GPR63: variants seen among roughly 807,000 people sequenced by gnomAD.
The protein encoded by GPR63 is probable G protein-coupled receptor 63.
GPR63 carries 12 observed loss-of-function variants against 23.1 expected under a neutral mutation model. The ratio of observed to expected loss-of-function variants is 0.52; its 90% CI spans 0.33 to 0.84. The LOEUF is 0.84. Ranked by LOEUF, GPR63 falls within the 40% of genes least tolerant of loss-of-function variation. The probability of loss-of-function intolerance (pLI) is 0.02; values close to 1 mark genes in which losing one functional copy is unlikely to be tolerated. For synonymous variants in GPR63, 172 were observed against 191.1 expected (o/e 0.90, Z 0.82); for missense variants, 472 against 515.6 (o/e 0.92, Z 0.82).
At chr6:96,823,161 T>C (rs1302918863) in intron 1 of GPR63, among the ~76,000 whole-genome samples, 1 of 152,222 alleles carries the variant, frequency 6.6e-6, no homozygotes, top group Non-Finnish European at 1.5e-5. Flanking sequence ...TTTACTACTC[T>C]ATATTTTTAA....
chr6:96,830,639 C>T (rs753489947), intron 1 of GPR63, among the ~76,000 whole-genome samples: 6 of 152,166 alleles, frequency 3.9e-5, no homozygotes, highest in Non-Finnish European at 8.8e-5. Context: ...TTTGGGAGTA[C>T]ATGCGTGTTT....
At chr6:96,831,917 A>T (rs1333902927) in intron 1 of GPR63, among the ~76,000 whole-genome samples, 2 of 152,036 alleles carry the variant, frequency 1.3e-5, no homozygotes, top group East Asian at 1.9e-4. Context: ...AAAAAAAAAT[A>T]AAAAATAAAT....
chr6:96,835,150 T>G (rs1774692617), intron 1 of GPR63, among the ~76,000 whole-genome samples: 2 of 152,092 alleles, frequency 1.3e-5, no homozygotes, highest in African/African-American at 4.8e-5. Context: ...TTGTTAAGAG[T>G]TCGAGAACAT....
intron 1 of GPR63, among the ~76,000 whole-genome samples, chr6:96,800,635 A>G (rs925527731): frequency 6.6e-6 from 1 of 152,188 alleles, no homozygotes; most frequent in African/African-American, 2.4e-5. Flanking sequence ...AATATTTTCA[A>G]AAGTTTTATT....
intron 1 of GPR63, among the ~76,000 whole-genome samples, chr6:96,811,451 G>A (rs1311568988): frequency 1.3e-5 from 2 of 152,186 alleles, no homozygotes; most frequent in Non-Finnish European, 2.9e-5. Flanking sequence ...GAGAGCTCTT[G>A]TGACATTATG....
chr6:96,803,390 T>G (rs1773820438), intron 1 of GPR63, among the ~76,000 whole-genome samples: 1 of 152,214 alleles, frequency 6.6e-6, no homozygotes, highest in African/African-American at 2.4e-5. Flanking sequence ...CAGTGCCTAT[T>G]AGATATAAAT....
At chr6:96,831,182 A>G (rs1467650216) in intron 1 of GPR63, among the ~76,000 whole-genome samples, 1 of 152,208 alleles carries the variant, frequency 6.6e-6, no homozygotes, top group African/African-American at 2.4e-5. Context: ...ATGTATCAAT[A>G]TGTGTGGGCA....
At chr6:96,806,870 T>C (rs1390961217) in intron 1 of GPR63, among the ~76,000 whole-genome samples, 2 of 151,982 alleles carry the variant, frequency 1.3e-5, no homozygotes, top group Non-Finnish European at 2.9e-5. Context: ...ACCAGTTAAC[T>C]AAAGAAGAAA....
chr6:96,801,149 T>C (rs986132566), intron 1 of GPR63, among the ~76,000 whole-genome samples: 16 of 152,168 alleles, frequency 1.1e-4, no homozygotes, highest in African/African-American at 3.6e-4. Flanking sequence ...AAAACATACA[T>C]GTACAGCAGT....
At chr6:96,824,429 AC>A (rs918964011) in intron 1 of GPR63, among the ~76,000 whole-genome samples, 1 of 151,976 alleles carries the variant, frequency 6.6e-6, no homozygotes, top group African/African-American at 2.4e-5. Flanking sequence ...TCCCATTTCT[AC>A]TATTTCTAAA....
chr6:96,824,496 A>T (rs1185563690), intron 1 of GPR63, among the ~76,000 whole-genome samples: 1 of 151,854 alleles, frequency 6.6e-6, no homozygotes, highest in Admixed American at 6.6e-5. Flanking sequence ...GACTACTCCA[A>T]GTAAAAGGGC....
Position 96,798,674 on chromosome 6 carries a change from C to A in GPR63, c.1058G>T (p.Ser353Ile). ...GTAGCAGAGCCACAGTAGCCAGGTG[C>A]TAATCTCAAAAAAGTTGTGCTGATA... The part of the protein sequence containing the change: ...FYYQHNFFEI[S>I]TWLLWLCYLK... Residue 353 changes from serine to isoleucine, a missense_variant, in exon 2 of 2, where the codon AGC (serine) becomes ATC (isoleucine). Ser to Ile is a moderately radical substitution (Grantham distance 142). Transcript: ENST00000229955. 1 of 1,614,164 alleles carries A rather than the reference C, an allele frequency of 6.2e-7. No homozygotes were observed. The highest frequency in any genetic ancestry group is 1.1e-5 in the South Asian group (1 of 91,080).
intron 1 of GPR63, among the ~76,000 whole-genome samples, chr6:96,810,740 A>G (rs1267888913): frequency 6.6e-6 from 1 of 152,204 alleles, no homozygotes; most frequent in African/African-American, 2.4e-5. Context: ...ATATGTACAT[A>G]GGTATAGACA....
intron 1 of GPR63, among the ~76,000 whole-genome samples, chr6:96,833,493 T>C (rs900926808): frequency 6.6e-6 from 1 of 152,250 alleles, no homozygotes; most frequent in South Asian, 2.1e-4. Flanking sequence ...GATGTAAAGA[T>C]GCCTCATTTT....
At chr6:96,821,784 A>G (rs1456368144) in intron 1 of GPR63, among the ~76,000 whole-genome samples, 1 of 152,160 alleles carries the variant, frequency 6.6e-6, no homozygotes, top group East Asian at 1.9e-4. Context: ...AAAGACATAC[A>G]TATATATACC....
chr6:96,807,731 T>A (rs192821337), intron 1 of GPR63, among the ~76,000 whole-genome samples: 2 of 152,340 alleles, frequency 1.3e-5, no homozygotes, highest in East Asian at 3.9e-4. Context: ...TATCAAGATA[T>A]TCAGTATTCA....
At chr6:96,802,194 A>C (rs577265920) in intron 1 of GPR63, among the ~76,000 whole-genome samples, 24 of 152,346 alleles carry the variant, frequency 1.6e-4, no homozygotes, top group African/African-American at 5.5e-4. Flanking sequence ...GGATGAAGCC[A>C]AAGTAAAACC....
At chr6:96,820,014 C>CT (rs1774272875) in intron 1 of GPR63, among the ~76,000 whole-genome samples, 1 of 149,062 alleles carries the variant, frequency 6.7e-6, no homozygotes, top group East Asian at 2.0e-4. Context: ...AAAAAAAATT[C>CT]GACCAGTAGG....
At chr6:96,812,825 T>C (rs1027555496) in intron 1 of GPR63, among the ~76,000 whole-genome samples, 3 of 152,124 alleles carry the variant, frequency 2.0e-5, no homozygotes, top group Non-Finnish European at 2.9e-5. Flanking sequence ...ATCTAGAGTA[T>C]TTAACATTTC....
Sources: gnomAD v4.1 joint callset for allele counts (sites outside exome capture counted in the v4.1 genomes callset) on GRCh38, gnomAD v4.1.1 for gene constraint, MANE v1.5 for transcripts, NCBI Gene and HGNC (gene_info 2026-07-23, HGNC 2026-07-21) for gene names.